The following SFPQ variants were observed in gnomAD, a reference collection of about 807,000 sequenced individuals.
The protein encoded by SFPQ is splicing factor proline and glutamine rich.
In SFPQ, 11 loss-of-function variants were observed where a neutral mutation model predicts 72.9. The observed-to-expected ratio is 0.15, with a 90% CI of 0.09 to 0.25. SFPQ has a LOEUF of 0.25. Among genes scored for constraint, SFPQ ranks in the 10% least tolerant of loss-of-function variants. The probability of loss-of-function intolerance (pLI) is 1.00; values close to 1 mark genes in which losing one functional copy is unlikely to be tolerated. For missense variants in SFPQ, 847 were observed against 993.3 expected, an observed-to-expected ratio of 0.85 and a Z score of 1.98; for synonymous variants, 506 against 367.3, an observed-to-expected ratio of 1.38 and a Z score of -4.32.
chr1:35,191,004 C>T lies in SFPQ; in HGVS notation c.1018-9G>A, dbSNP rs752615796. ...GCCAAAGCTCTAGATTCCTGTGTAT[C>T]AGAGACACTCATGTTAATGACCTCA... On this transcript the variant is annotated splice_polypyrimidine_tract_variant and intron_variant, in intron 2 of 9. Coordinates refer to ENST00000357214, the MANE Select transcript of SFPQ (RefSeq NM_005066.3). The T allele has an allele frequency of 8.1e-6, 13 of 1,607,872 alleles. No homozygotes were observed. Among genetic ancestry groups the T allele is most frequent in the African/African-American group, 1.3e-5 (1 of 74,596 alleles).
chr1:35,186,301 C>T (rs958391360), intron 9 of SFPQ, among the ~76,000 whole-genome samples: 5 of 152,170 alleles, frequency 3.3e-5, no homozygotes, highest in African/African-American at 1.2e-4. Context: ...ACCAGTTCAA[C>T]TGATTGTTCT....
chr1:35,182,850 T>C (rs890767384), downstream of SFPQ: 1 of 1,047,280 alleles, frequency 9.5e-7, no homozygotes, highest in African/African-American at 1.7e-5. Context: ...CAGGCAACAA[T>C]AAACAATCTA....
chr1:35,181,833 T>C (rs1639482133), downstream of SFPQ: 3 of 984,698 alleles, frequency 3.0e-6, no homozygotes, highest in African/African-American at 3.5e-5. Flanking sequence ...CTATCATATA[T>C]ACATTGAAGA....
intron 6 of SFPQ, 30 bp downstream of exon 6, chr1:35,188,973 T>C (rs373692286): frequency 3.2e-6 from 5 of 1,562,248 alleles, no homozygotes; most frequent in East Asian, 2.2e-5. Flanking sequence ...AAAAAATAAA[T>C]GAAGGCTTAA....
downstream of SFPQ, chr1:35,181,904 A>G: frequency 1.0e-6 from 1 of 985,306 alleles, no homozygotes; most frequent in Non-Finnish European, 1.2e-6. Flanking sequence ...TTTAGTGATG[A>G]AAGTCAAATG....
rs1639946964 is a variant in SFPQ at position 35,190,535 on chromosome 1, G to A, written c.1378C>T (p.Pro460Ser). The A allele has an allele frequency of 6.2e-7, 1 of 1,613,646 alleles. No homozygotes were observed. Among genetic ancestry groups the A allele is most frequent in the Non-Finnish European group, 8.5e-7 (1 of 1,179,842 alleles). Residue 460 changes from proline (P) to serine (S), a missense_variant, in exon 4 of 10, where the codon CCT becomes TCT. Pro to Ser is a moderately conservative substitution (Grantham distance 74, BLOSUM62 -1). Around this residue, in one of 6 missense-constraint regions of SFPQ, gnomAD observed 132 missense variants for 255.4 expected, o/e 0.52. Coordinates refer to ENST00000357214, the MANE Select transcript of SFPQ (RefSeq NM_005066.3). ...LEQLDDEDGL[P>S]EKLAQKNPMY... ...GGATTCTTCTGGGCAAGTTTTTCAG[G>A]AAGACCATCTTCATCATCTAGTTGT...
chr1:35,178,969 GA>G, downstream of SFPQ: 2 of 1,055,426 alleles, frequency 1.9e-6, no homozygotes, highest in Non-Finnish European at 2.3e-6. Context: ...CAACTGTTGA[GA>G]TTTCCAGTTG....
intron 9 of SFPQ, 50 bp downstream of exon 9, chr1:35,186,951 G>A (rs1246093156): frequency 2.7e-5 from 42 of 1,565,562 alleles, no homozygotes; most frequent in Non-Finnish European, 3.6e-5. Context: ...ACACACCTAA[G>A]TTGTGAAAAT....
chr1:35,187,591 C>T (rs1469194909), intron 7 of SFPQ, among the ~76,000 whole-genome samples: 4 of 151,978 alleles, frequency 2.6e-5, no homozygotes. Flanking sequence ...ATTAGCCGAG[C>T]CTGATGGCAG....
intron 6 of SFPQ, 22 bp downstream of exon 6, chr1:35,188,981 T>C: frequency 6.3e-7 from 1 of 1,589,620 alleles, no homozygotes; most frequent in Non-Finnish European, 8.6e-7. Flanking sequence ...AATGAAGGCT[T>C]AAACCTTAAA....
chr1:35,193,117 C>A lies in SFPQ; in HGVS notation c.-68G>T. On this transcript the variant is annotated 5_prime_UTR_variant, in exon 1 of 10. Transcript: ENST00000357214. ...CTCAGGAAACGTGGAGGCCACCTTG[C>A]TTCTCACAAAATGGCGGATGACACA... The A allele has an allele frequency of 6.0e-6, 9 of 1,488,192 alleles. No homozygotes were observed. Among genetic ancestry groups the A allele is most frequent in the South Asian group, 1.3e-5 (1 of 77,112 alleles). 92.2% of individuals were successfully genotyped at this position (1,488,192 alleles called of 1,614,324 possible). A position where few individuals can be genotyped will look rare whatever the true frequency, so the allele number is the denominator to read the frequency against.
At chr1:35,182,910 T>C (rs1570113244), downstream of SFPQ, 1 of 1,046,178 alleles carries the variant, frequency 9.6e-7, no homozygotes, top group Admixed American at 5.5e-5. Flanking sequence ...TCAATGAAGT[T>C]GACAATTAAC....
intron 9 of SFPQ, 134 bp downstream of exon 9, chr1:35,186,867 T>C (rs1639744822): frequency 1.3e-6 from 1 of 795,758 alleles, no homozygotes; most frequent in Admixed American, 2.8e-5. Flanking sequence ...ATTACATATT[T>C]ATGTATGAAA....
At chr1:35,188,935 C>G in intron 6 of SFPQ, 68 bp downstream of exon 6, 1 of 1,286,434 alleles carries the variant, frequency 7.8e-7, no homozygotes, top group Non-Finnish European at 1.1e-6. Flanking sequence ...CACTCCAGCC[C>G]GGGCAACAGA....
downstream of SFPQ, chr1:35,181,488 A>C: frequency 9.4e-7 from 1 of 1,063,654 alleles, no homozygotes; most frequent in Middle Eastern, 4.2e-4. Context: ...TGGGGTTTGT[A>C]GTACTTCTTA....
rs117101318 is a variant in SFPQ at position 35,177,346 on chromosome 1, C to T, written c.*78G>A. On this transcript the variant is annotated 3_prime_UTR_variant and NMD_transcript_variant, in exon 5 of 6. Coordinates refer to the SFPQ transcript ENST00000460428. ...AGAAACGTTGTCAGTCTGCTTGTGG[C>T]TTCCCTCCTTGATTGACTCACGCTG... 4.6e-5 allele frequency: 7 copies of T among 152,300 alleles called. No individual in the cohort carries two copies. The East Asian group carries it at 1.4e-3, about 29-fold the overall frequency. The allele number at this position is 152,300 out of a possible 1,614,324, so 9.4% of individuals were successfully genotyped here.
At chr1:35,182,175 AC>A, downstream of SFPQ, 1 of 985,180 alleles carries the variant, frequency 1.0e-6, no homozygotes, top group South Asian at 4.7e-5. Context: ...GCCCCCACCC[AC>A]ACACATTCAA....
intron 7 of SFPQ, among the ~76,000 whole-genome samples, chr1:35,187,641 G>T (rs959209325): frequency 6.6e-6 from 1 of 151,774 alleles, no homozygotes; most frequent in Admixed American, 6.6e-5. Context: ...TGAGGCAGGA[G>T]AATCACTTGA....
chr1:35,184,270 A>C lies in SFPQ; in HGVS notation c.*186T>G, dbSNP rs549797350. On this transcript the variant is annotated 3_prime_UTR_variant, in exon 10 of 10. Coordinates refer to ENST00000357214, the MANE Select transcript of SFPQ (RefSeq NM_005066.3). The stretch of plus-strand genomic sequence containing the variant: ...ATAAAGAAATAAAAAGGAAAAAAAA[A>C]TTCTCCTGTTCCAAACACTGCATTA... 7.3e-7 allele frequency: 1 copy of C among 1,362,312 alleles called. No individual in the cohort carries two copies. The highest frequency in any genetic ancestry group is 1.9e-5 in the South Asian group (1 of 51,420). The allele number at this position is 1,362,312 out of a possible 1,614,324, so 84.4% of individuals were successfully genotyped here.
Sources: allele counts gnomAD v4.1 joint callset (sites outside exome capture counted in the v4.1 genomes callset), GRCh38; gene constraint gnomAD v4.1.1; regional missense constraint gnomAD v4.1.1; transcripts MANE v1.5; gene names NCBI Gene and HGNC (gene_info 2026-07-23, HGNC 2026-07-21).